Variants in EXOC5 observed in about 807,000 individuals in gnomAD.
EXOC5 encodes the protein exocyst complex component 5.
In EXOC5, 17 loss-of-function variants were observed where a neutral mutation model predicts 90.8. That is an observed-to-expected ratio of 0.19 (90% CI 0.13 to 0.28). The LOEUF (loss-of-function observed/expected upper bound fraction) is 0.28, where lower values mean the gene tolerates loss of function less well. Ranked by LOEUF, EXOC5 falls within the 10% of genes least tolerant of loss-of-function variation. The probability of loss-of-function intolerance (pLI) is 1.00; values close to 1 mark genes in which losing one functional copy is unlikely to be tolerated. For synonymous variants in EXOC5, 260 were observed against 270.0 expected (o/e 0.96, Z 0.36); for missense variants, 569 against 830.6 (o/e 0.69, Z 3.87).
chr14:57,244,049 A>C (rs552995696), intron 4 of EXOC5, 116 bp downstream of exon 4: 21 of 669,542 alleles, frequency 3.1e-5, no homozygotes, highest in Admixed American at 5.8e-5. Context: ...AAAAACTTTT[A>C]ATAAGTCAGC....
intron 3 of EXOC5, 43 bp downstream of exon 3, chr14:57,246,668 T>C: frequency 6.6e-7 from 1 of 1,512,244 alleles, no homozygotes; most frequent in Non-Finnish European, 9.1e-7. Context: ...AATAAAGATA[T>C]TATAGCCTAT....
chr14:57,256,375 G>T (rs978062461), intron 1 of EXOC5, among the ~76,000 whole-genome samples: 1 of 152,104 alleles, frequency 6.6e-6, no homozygotes, highest in Non-Finnish European at 1.5e-5. Flanking sequence ...AACATCAGAG[G>T]TACCAGTTGA....
At chr14:57,261,975 T>G (rs982710778) in intron 1 of EXOC5, among the ~76,000 whole-genome samples, 1 of 152,166 alleles carries the variant, frequency 6.6e-6, no homozygotes, top group Non-Finnish European at 1.5e-5. Context: ...CATCACAATG[T>G]AGGATGGCAG....
intron 12 of EXOC5, among the ~76,000 whole-genome samples, chr14:57,228,044 C>T (rs1883363916): frequency 6.7e-6 from 1 of 150,096 alleles, no homozygotes; most frequent in Non-Finnish European, 1.5e-5. Flanking sequence ...ACTTAAAATG[C>T]TTAGAAGAGT....
intron 17 of EXOC5, among the ~76,000 whole-genome samples, chr14:57,209,169 T>C (rs1882751324): frequency 6.6e-6 from 1 of 152,112 alleles, no homozygotes; most frequent in Non-Finnish European, 1.5e-5. Context: ...ACATTAGTCA[T>C]GGATGTCAAT....
At chr14:57,240,574 G>A (rs1883830142) in intron 4 of EXOC5, among the ~76,000 whole-genome samples, 1 of 151,840 alleles carries the variant, frequency 6.6e-6, no homozygotes, top group African/African-American at 2.4e-5. Flanking sequence ...GAGCCACCGA[G>A]CCCAGCCAGA....
chr14:57,228,132 GC>G (rs1883366163), intron 12 of EXOC5, among the ~76,000 whole-genome samples: 1 of 152,042 alleles, frequency 6.6e-6, no homozygotes, highest in African/African-American at 2.4e-5. Context: ...TGAGAGAAAT[GC>G]AAATCAAAAC....
chr14:57,220,204 G>GC (rs989312225), intron 13 of EXOC5, among the ~76,000 whole-genome samples: 15 of 146,886 alleles, frequency 1.0e-4, no homozygotes, highest in South Asian at 6.5e-4. Context: ...GTTTCCCTCC[G>GC]CCCCCCCTGC....
chr14:57,225,568 C>T (rs781253102), intron 12 of EXOC5, among the ~76,000 whole-genome samples: 1 of 141,082 alleles, frequency 7.1e-6, no homozygotes, highest in African/African-American at 2.8e-5. Flanking sequence ...ATAATCTACA[C>T]AGAAAAGCCA....
intron 14 of EXOC5, 132 bp downstream of exon 14, chr14:57,219,190 T>C: frequency 2.2e-6 from 1 of 446,816 alleles, no homozygotes. Context: ...ATATTTTTAT[T>C]TCATTTCACT....
At chr14:57,236,394 T>C (rs1883660304) in intron 6 of EXOC5, among the ~76,000 whole-genome samples, 2 of 151,236 alleles carry the variant, frequency 1.3e-5, no homozygotes, top group African/African-American at 4.9e-5. Flanking sequence ...CAAGCGATTC[T>C]CCTGCCTCAG....
At chr14:57,262,961 C>T (rs1037140707) in intron 1 of EXOC5, among the ~76,000 whole-genome samples, 1 of 152,092 alleles carries the variant, frequency 6.6e-6, no homozygotes, top group African/African-American at 2.4e-5. Flanking sequence ...AGACTTTCAT[C>T]TGGCCAGATT....
intron 1 of EXOC5, among the ~76,000 whole-genome samples, chr14:57,261,084 CA>C (rs1003608664): frequency 6.6e-6 from 1 of 152,160 alleles, no homozygotes; most frequent in Non-Finnish European, 1.5e-5. Context: ...GAAGTAACAT[CA>C]GAAAAGTTTG....
intron 15 of EXOC5, among the ~76,000 whole-genome samples, chr14:57,217,461 C>T (rs1883007852): frequency 6.6e-6 from 1 of 152,104 alleles, no homozygotes; most frequent in African/African-American, 2.4e-5. Flanking sequence ...ACTGCTAAAT[C>T]TGTTATGGTG....
intron 1 of EXOC5, among the ~76,000 whole-genome samples, chr14:57,248,205 G>GT (rs958149089): frequency 2.6e-5 from 4 of 151,722 alleles, no homozygotes; most frequent in African/African-American, 9.7e-5. Flanking sequence ...AGGCCAGCGG[G>GT]TAAGTATTAG....
intron 11 of EXOC5, among the ~76,000 whole-genome samples, chr14:57,230,896 A>T (rs1883462579): frequency 6.6e-6 from 1 of 151,918 alleles, no homozygotes; most frequent in South Asian, 2.1e-4. Context: ...ATAACCTGGA[A>T]CTTATTCTAT....
At chr14:57,259,491 G>T (rs1349050005) in intron 1 of EXOC5, among the ~76,000 whole-genome samples, 3 of 152,100 alleles carry the variant, frequency 2.0e-5, no homozygotes, top group African/African-American at 7.2e-5. Context: ...CCACACTTCC[G>T]TCAGACTATT....
At chr14:57,255,506 G>A (rs906381175) in intron 1 of EXOC5, among the ~76,000 whole-genome samples, 1 of 151,954 alleles carries the variant, frequency 6.6e-6, no homozygotes, top group Non-Finnish European at 1.5e-5. Flanking sequence ...ACCAGAGGTA[G>A]GCAGACTAAC....
rs1883339092 is a variant in EXOC5 at position 57,227,341 on chromosome 14, T to A, written c.1296+2393A>T. Among the ~76,000 whole-genome samples, 2 of 152,212 alleles carry A rather than the reference T, an allele frequency of 1.3e-5. 1 individual carries two copies. The highest frequency in any genetic ancestry group is 4.1e-4 in the South Asian group (2 of 4,824). On this transcript the variant is annotated intron_variant, in intron 12 of 17. Coordinates refer to ENST00000621441, the MANE Select transcript of EXOC5 (RefSeq NM_006544.4). ...ACTAAGTATTTTTCAGATTTATTCA[T>A]GTTGACACATGTAACTCTACTTCAC... is the stretch of plus-strand genomic sequence containing the variant.
Sources: allele counts gnomAD v4.1 joint callset (sites outside exome capture counted in the v4.1 genomes callset), GRCh38; gene constraint gnomAD v4.1.1; transcripts MANE v1.5; gene names NCBI Gene and HGNC (gene_info 2026-07-23, HGNC 2026-07-21).